Variants in UGT1A4 observed in about 807,000 individuals in gnomAD.
UGT1A4 encodes UDP-glucuronosyltransferase 1A4.
A neutral mutation model predicts 41.1 loss-of-function variants in UGT1A4; 32 were observed. The ratio of observed to expected loss-of-function variants is 0.78; its 90% CI spans 0.59 to 1.05. The LOEUF is 1.05. UGT1A4 is among the 50% of genes least tolerant of loss of function. UGT1A4 has a pLI of 0.00. For synonymous variants in UGT1A4, 283 were observed against 265.1 expected, an observed-to-expected ratio of 1.07 and a Z score of -0.66; for missense variants, 748 against 677.4, an observed-to-expected ratio of 1.10 and a Z score of -1.16.
Position 233,729,585 on chromosome 2 carries a change from C to T in UGT1A4, c.867+9898C>T, listed in dbSNP as rs138617806. ...CCTTTGATGTGGTTTTAACAGACCC[C>T]GTTAACCTCTGCGCGGCAGTGCTGG... On this transcript the variant is annotated intron_variant, in intron 1 of 4. Transcript: ENST00000373409. 5.8e-5 allele frequency: 94 copies of T among 1,614,084 alleles called. 1 individual carries two copies. Among genetic ancestry groups the T allele is most frequent in the East Asian group, 4.2e-4 (19 of 44,882 alleles).
chr2:233,727,332 T>C (rs2077605990), intron 1 of UGT1A4, among the ~76,000 whole-genome samples: 1 of 152,122 alleles, frequency 6.6e-6, no homozygotes, highest in South Asian at 2.1e-4. Flanking sequence ...CAGGAGCTCC[T>C]CCCTCCCCAT....
intron 1 of UGT1A4, among the ~76,000 whole-genome samples, chr2:233,735,380 C>T (rs2078647090): frequency 1.3e-5 from 2 of 152,070 alleles, no homozygotes; most frequent in Middle Eastern, 3.2e-3. Context: ...TTCCTCCATC[C>T]CTTTATTTTG....
In UGT1A4 at chr2:233,746,430, T is replaced by C. The variant is rs141272199; in HGVS notation, c.868-20604T>C. On this transcript the variant is annotated intron_variant, in intron 1 of 4. Transcript: ENST00000373409. ...TCCAATGGTGACCTATTAACTTATG[T>C]CTTCAGCTTAAAAAGAAAGTACCTT... Among the ~76,000 whole-genome samples, 254 of 151,800 alleles carry C rather than the reference T, an allele frequency of 1.7e-3. 1 individual carries two copies. The highest frequency in any genetic ancestry group is 3.4e-3 in the Middle Eastern group (1 of 292).
At chr2:233,732,983 C>T (rs930118681) in intron 1 of UGT1A4, among the ~76,000 whole-genome samples, 9 of 152,090 alleles carry the variant, frequency 5.9e-5, no homozygotes, top group South Asian at 2.1e-4. Flanking sequence ...TCTTTTATTT[C>T]GTTGAGCAGT....
intron 1 of UGT1A4, chr2:233,743,038 A>G (rs968490640): frequency 1.2e-4 from 34 of 283,020 alleles, no homozygotes; most frequent in Non-Finnish European, 2.1e-5. Context: ...CAGAGGTCCT[A>G]TCCGTGTAGT....
intron 1 of UGT1A4, among the ~76,000 whole-genome samples, chr2:233,745,781 C>T (rs1693207389): frequency 6.7e-6 from 1 of 150,162 alleles, no homozygotes; most frequent in Non-Finnish European, 1.5e-5. Context: ...TGAGCTTAGA[C>T]AGGGGGGCTG....
chr2:233,755,086 G>A (rs1190713460), intron 1 of UGT1A4: 3 of 1,335,468 alleles, frequency 2.2e-6, no homozygotes, highest in Non-Finnish European at 3.0e-6. Flanking sequence ...TAGATATCGC[G>A]TTTCTACGCG....
At chr2:233,737,829 G>A (rs1202229926) in intron 1 of UGT1A4, among the ~76,000 whole-genome samples, 2 of 151,976 alleles carry the variant, frequency 1.3e-5, no homozygotes, top group Admixed American at 6.6e-5. Context: ...AACAAATTGG[G>A]AACTGTGGCA....
chr2:233,729,923 C>G (rs760546149), intron 1 of UGT1A4: 1 of 1,614,016 alleles, frequency 6.2e-7, no homozygotes, highest in Non-Finnish European at 8.5e-7. Flanking sequence ...ATGGACTACC[C>G]CAGGCCAATC....
intron 1 of UGT1A4, among the ~76,000 whole-genome samples, chr2:233,732,534 T>G (rs1352796772): frequency 6.6e-6 from 1 of 152,222 alleles, no homozygotes; most frequent in East Asian, 1.9e-4. Context: ...ATATGGCCAG[T>G]TTTCCCAGCA....
rs1699345789 is a variant in UGT1A4 at position 233,767,247 on chromosome 2, C to T, written c.999+82C>T. 3.2e-5 allele frequency: 52 copies of T among 1,603,298 alleles called. No individual in the cohort carries two copies. In the South Asian group the frequency reaches 5.5e-4, roughly 17 times the overall value. ...GACTTCCAGCTTCCAGATTAATTCTCTTAATTGGAACCTTAGATTTGGCTT... is the reference window on the plus strand; with the variant it reads ...GACTTCCAGCTTCCAGATTAATTCTTTTAATTGGAACCTTAGATTTGGCTT... On this transcript the variant is annotated intron_variant, in intron 2 of 4. Coordinates refer to ENST00000373409, the MANE Select transcript of UGT1A4 (RefSeq NM_007120.3).
At chr2:233,733,112 C>A (rs1009344972) in intron 1 of UGT1A4, among the ~76,000 whole-genome samples, 13 of 152,124 alleles carry the variant, frequency 8.5e-5, no homozygotes, top group African/African-American at 2.9e-4. Flanking sequence ...CTCTGTTTGT[C>A]TGTTATTGGT....
At chr2:233,764,272 G>A (rs1014540651) in intron 1 of UGT1A4, among the ~76,000 whole-genome samples, 1 of 152,062 alleles carries the variant, frequency 6.6e-6, no homozygotes, top group African/African-American at 2.4e-5. Context: ...TTCACTCTTT[G>A]GTCATTCCGG....
intron 1 of UGT1A4, among the ~76,000 whole-genome samples, chr2:233,724,822 C>T (rs372493213): frequency 2.2e-5 from 3 of 135,968 alleles, no homozygotes; most frequent in Admixed American, 7.3e-5. Flanking sequence ...GCTGCAATCT[C>T]GGCACTTTGG....
intron 1 of UGT1A4, chr2:233,760,899 G>A (rs1697604278): frequency 6.2e-7 from 1 of 1,613,886 alleles, no homozygotes. Context: ...CAGATCACAT[G>A]ACCTTCCTGC....
chr2:233,758,873 T>C (rs944299191), intron 1 of UGT1A4, among the ~76,000 whole-genome samples: 1 of 152,218 alleles, frequency 6.6e-6, no homozygotes, highest in Non-Finnish European at 1.5e-5. Context: ...ACTTGCCCCA[T>C]AGTCCATGGT....
intron 1 of UGT1A4, among the ~76,000 whole-genome samples, chr2:233,764,949 G>A (rs1698700873): frequency 6.6e-6 from 1 of 152,108 alleles, no homozygotes. Context: ...GGCGGGGAGA[G>A]AGGGCTCACC....
chr2:233,756,979 A>C (rs1394621821), intron 1 of UGT1A4, among the ~76,000 whole-genome samples: 3 of 152,152 alleles, frequency 2.0e-5, no homozygotes. Flanking sequence ...CGCAATGAAC[A>C]GTCATAGTAA....
intron 1 of UGT1A4, 143 bp downstream of exon 1, chr2:233,719,830 G>T: frequency 6.5e-7 from 1 of 1,548,976 alleles, no homozygotes; most frequent in Non-Finnish European, 8.7e-7. Context: ...CTGTTGAGGG[G>T]CCTAGTGTAT....
Sources: allele counts gnomAD v4.1 joint callset (sites outside exome capture counted in the v4.1 genomes callset), GRCh38; gene constraint gnomAD v4.1.1; transcripts MANE v1.5; gene names NCBI Gene and HGNC (gene_info 2026-07-23, HGNC 2026-07-21).